ANKRD12: variants seen among roughly 807,000 people sequenced by gnomAD.
ANKRD12 encodes ankyrin repeat domain 12.
ANKRD12 carries 85 observed loss-of-function variants against 183.4 expected under a neutral mutation model. The observed-to-expected ratio is 0.46, with a 90% confidence interval of 0.39 to 0.56. The LOEUF is 0.56. ANKRD12 is among the 20% of genes least tolerant of loss of function. The pLI is 0.00. For synonymous variants in ANKRD12, 914 were observed against 800.2 expected (o/e 1.14, Z -2.40); for missense variants, 2,405 against 2,357.1 (o/e 1.02, Z -0.42).
Position 9,258,603 on chromosome 18 carries a change from C to G in ANKRD12, c.5336C>G (p.Pro1779Arg). Reference protein sequence around the residue: ...GRIRLTEDDDPQIHHPRKRKV... With the variant: ...GRIRLTEDDDRQIHHPRKRKV... The stretch of plus-strand genomic sequence containing the variant: ...ATAAGATTAACTGAAGATGACGATC[C>G]TCAAATTCACCATCCACGGAAAAGG... Residue 1779 changes from proline (P) to arginine (R), a missense_variant, in exon 9 of 13, where the codon CCT becomes CGT. By Grantham distance (103) the Pro-to-Arg change is moderately radical. Around this residue, in one of 7 missense-constraint regions of ANKRD12, gnomAD observed 1,983 missense variants for 1,725.9 expected, o/e 1.15. Transcript: ENST00000262126. The G allele has an allele frequency of 6.2e-7, 1 of 1,613,834 alleles. No homozygotes were observed. The highest frequency in any genetic ancestry group is 8.5e-7 in the Non-Finnish European group (1 of 1,179,906).
At chr18:9,159,731 G>T (rs894336059) in intron 1 of ANKRD12, among the ~76,000 whole-genome samples, 3 of 151,044 alleles carry the variant, frequency 2.0e-5, no homozygotes, top group Non-Finnish European at 4.4e-5. Flanking sequence ...GAGCCACTGC[G>T]CCTGGCCCTT....
At chr18:9,213,675 AATT>A (rs1328528030) in intron 6 of ANKRD12, among the ~76,000 whole-genome samples, 3 of 151,832 alleles carry the variant, frequency 2.0e-5, no homozygotes, top group Non-Finnish European at 2.9e-5. Flanking sequence ...GGATTCTTCA[AATT>A]ATTATTTCTG....
In ANKRD12 at chr18:9,280,958, GCAA is replaced by G; in HGVS notation, c.6027_6029del (p.Gln2009del). 6.2e-7 allele frequency: 1 copy of G among 1,612,530 alleles called. No individual in the cohort carries two copies. Among genetic ancestry groups the G allele is most frequent in the Non-Finnish European group, 8.5e-7 (1 of 1,179,582 alleles). On this transcript the variant is annotated inframe_deletion, in exon 13 of 13. Coordinates refer to ENST00000262126, the MANE Select transcript of ANKRD12 (RefSeq NM_015208.5). ...TTAAATAGACCTGTCTTTTAATGAG[GCAA>G]CAACATGAAGCTGCGGCTTTAAATG... is the stretch of plus-strand genomic sequence containing the variant.
At chr18:9,152,334 A>C (rs1281122864) in intron 1 of ANKRD12, among the ~76,000 whole-genome samples, 1 of 152,204 alleles carries the variant, frequency 6.6e-6, no homozygotes, top group African/African-American at 2.4e-5. Flanking sequence ...TTAATGTAGT[A>C]GTGGAATCCA....
intron 9 of ANKRD12, chr18:9,259,375 T>G (rs2038830466): frequency 6.5e-6 from 1 of 154,554 alleles, no homozygotes; most frequent in Non-Finnish European, 1.4e-5. Context: ...ATTTACGTGT[T>G]TAACAACATA....
At chr18:9,209,515 T>C (rs193184745) in intron 5 of ANKRD12, among the ~76,000 whole-genome samples, 1 of 152,302 alleles carries the variant, frequency 6.6e-6, no homozygotes, top group East Asian at 1.9e-4. Context: ...TTTTCCTGTA[T>C]TGCCTCTTTT....
In ANKRD12 at chr18:9,222,508, CAAAA is replaced by C. The variant is rs577427425; in HGVS notation, c.943+513_943+516del. On this transcript the variant is annotated intron_variant, in intron 8 of 12. Transcript: ENST00000262126. ...AAACACAATTTTTTTTTAAAGATAACAAAAAAACATTTACTGTGTTGAAGAAAGT... is the reference window on the plus strand; with the variant it reads ...AAACACAATTTTTTTTTAAAGATAACAAACATTTACTGTGTTGAAGAAAGT... 9.0e-5 allele frequency among the ~76,000 whole-genome samples: 13 copies of C among 145,122 alleles called. No individual in the cohort carries two copies. The South Asian group carries it at 1.5e-3, about 17-fold the overall frequency.
chr18:9,237,778 G>A (rs1291303348), intron 8 of ANKRD12, among the ~76,000 whole-genome samples: 1 of 152,128 alleles, frequency 6.6e-6, no homozygotes, highest in East Asian at 1.9e-4. Flanking sequence ...TTAAGGAGAC[G>A]TGTCTTAGGT....
At position 9,172,992 on chromosome 18, in the gene ANKRD12, C is replaced by T. The variant is rs533035302; in HGVS notation, c.-51-9390C>T. Among the ~76,000 whole-genome samples the T allele has an allele frequency of 3.3e-5, 5 of 151,404 alleles. No individual in the cohort carries two copies. The East Asian group carries it at 7.8e-4, about 23-fold the overall frequency. ...TCCCAGCTTACTGCAACCTCAACCT[C>T]GTGATCTGCCCATTTCAGTCTCCTA... On this transcript the variant is annotated intron_variant, in intron 1 of 12. Transcript: ENST00000262126.
At chr18:9,243,183 T>G (rs575265878) in intron 8 of ANKRD12, among the ~76,000 whole-genome samples, 9 of 152,290 alleles carry the variant, frequency 5.9e-5, no homozygotes, top group South Asian at 4.1e-4. Flanking sequence ...TTGAATACAT[T>G]AGTTTTAGTT....
At position 9,258,643 on chromosome 18, in the gene ANKRD12, A is replaced by G. The variant is rs754257824; in HGVS notation, c.5376A>G (p.Val1792=). 16 of 1,613,946 alleles carry G rather than the reference A, an allele frequency of 9.9e-6. No individual in the cohort carries two copies. The highest frequency in any genetic ancestry group is 6.7e-5 in the East Asian group (3 of 44,864). ...CACGGAAAAGGAAAGTGTCACGTGT[A>G]CCTCAGCCTGTGCAAGTGAGTCCCT... ...HHPRKRKVSR[V]PQPVQVSPSL... Residue 1792 remains valine (V), a synonymous_variant, in exon 9 of 13, where the codon GTA becomes GTG. Transcript: ENST00000262126.
intron 12 of ANKRD12, among the ~76,000 whole-genome samples, chr18:9,280,409 G>T (rs1029738830): frequency 6.6e-6 from 1 of 152,176 alleles, no homozygotes; most frequent in Non-Finnish European, 1.5e-5. Flanking sequence ...GTGACCCGGG[G>T]GTTGGGGACC....
At chr18:9,247,174 C>G (rs1046161030) in intron 8 of ANKRD12, among the ~76,000 whole-genome samples, 24 of 151,872 alleles carry the variant, frequency 1.6e-4, no homozygotes, top group African/African-American at 5.8e-4. Context: ...GTTTGTTTTG[C>G]CATAGAGCCT....
At chr18:9,211,977 A>G (rs1322578825) in intron 6 of ANKRD12, among the ~76,000 whole-genome samples, 193 bp downstream of exon 6, 2 of 152,068 alleles carry the variant, frequency 1.3e-5, no homozygotes, top group East Asian at 1.9e-4. Context: ...ATAATTACTC[A>G]TATTTTTATA....
intron 1 of ANKRD12, among the ~76,000 whole-genome samples, chr18:9,158,803 T>C (rs540398753): frequency 2.0e-5 from 3 of 152,218 alleles, no homozygotes; most frequent in Non-Finnish European, 4.4e-5. Context: ...TCTGCAGTTC[T>C]TCATGGAAGA....
intron 1 of ANKRD12, among the ~76,000 whole-genome samples, chr18:9,156,361 T>C (rs2030461504): frequency 2.0e-5 from 3 of 150,204 alleles, no homozygotes; most frequent in African/African-American, 7.3e-5. Flanking sequence ...GGAGTAAAAT[T>C]AGTATTAGAA....
intron 5 of ANKRD12, among the ~76,000 whole-genome samples, chr18:9,211,119 C>T (rs2035780031): frequency 6.6e-6 from 1 of 152,002 alleles, no homozygotes; most frequent in African/African-American, 2.4e-5. Flanking sequence ...TCTTCTCTTT[C>T]ATTTTCATAG....
intron 2 of ANKRD12, among the ~76,000 whole-genome samples, chr18:9,184,543 C>T (rs1377402069): frequency 6.6e-6 from 1 of 152,072 alleles, no homozygotes; most frequent in Admixed American, 6.6e-5. Context: ...CAGGTGCACA[C>T]CACTATGCCC....
At chr18:9,276,722 CAAAAA>C (rs372456702) in intron 11 of ANKRD12, among the ~76,000 whole-genome samples, 1 of 144,474 alleles carries the variant, frequency 6.9e-6, no homozygotes, top group African/African-American at 2.5e-5. Context: ...CAAAAAAAAA[CAAAAA>C]AAAAACTTTA....
Sources: allele counts gnomAD v4.1 joint callset (sites outside exome capture counted in the v4.1 genomes callset), GRCh38; gene constraint gnomAD v4.1.1; regional missense constraint gnomAD v4.1.1; transcripts MANE v1.5; gene names NCBI Gene and HGNC (gene_info 2026-07-23, HGNC 2026-07-21).